SLC5A4: variants seen among roughly 807,000 people sequenced by gnomAD.
SLC5A4 encodes probable glucose sensor protein SLC5A4.
In SLC5A4, 55 loss-of-function variants were observed where a neutral mutation model predicts 70.3. The ratio of observed to expected loss-of-function variants is 0.78; its 90% CI spans 0.63 to 0.98. SLC5A4 has a LOEUF of 0.98. SLC5A4 is among the 50% of genes least tolerant of loss of function. The pLI is 0.00. For missense variants in SLC5A4, 735 were observed against 839.2 expected, an observed-to-expected ratio of 0.88 and a Z score of 1.53; for synonymous variants, 268 against 305.7, an observed-to-expected ratio of 0.88 and a Z score of 1.29.
At chr22:32,346,893 A>C in the SLC5A4 span, among the ~76,000 whole-genome samples, 1 of 150,888 alleles carries the variant, frequency 6.6e-6, no homozygotes, top group African/African-American at 2.4e-5. Context: ...ACAGCAAAAG[A>C]AACTACCATC....
intron 12 of SLC5A4, among the ~76,000 whole-genome samples, chr22:32,225,156 G>T (rs1263231256): frequency 2.0e-5 from 3 of 152,106 alleles, no homozygotes; most frequent in Non-Finnish European, 1.5e-5. Flanking sequence ...AAGATTAAGG[G>T]TACATGATCC....
intron 5 of SLC5A4, among the ~76,000 whole-genome samples, chr22:32,240,971 T>A (rs1926476173): frequency 6.6e-6 from 1 of 152,232 alleles, no homozygotes; most frequent in Non-Finnish European, 1.5e-5. Context: ...TTTGTGAACT[T>A]CCATGAATCT....
upstream of SLC5A4, among the ~76,000 whole-genome samples, chr22:32,256,645 A>G (rs1927504387): frequency 6.6e-6 from 1 of 152,208 alleles, no homozygotes; most frequent in African/African-American, 2.4e-5. Context: ...TGCCTATTCT[A>G]GGTACCTCAT....
the SLC5A4 span, among the ~76,000 whole-genome samples, chr22:32,322,613 AAAAG>A: frequency 2.0e-5 from 3 of 151,970 alleles, no homozygotes; most frequent in Non-Finnish European, 2.9e-5. Context: ...TGGAAAAAAA[AAAAG>A]AAACAGCCAG....
the SLC5A4 span, among the ~76,000 whole-genome samples, chr22:32,301,206 C>A: frequency 3.9e-5 from 6 of 152,196 alleles, no homozygotes; most frequent in Non-Finnish European, 8.8e-5. Context: ...CATGATCCAG[C>A]CACCTCGGCC....
the SLC5A4 span, among the ~76,000 whole-genome samples, chr22:32,337,526 TG>T: frequency 6.6e-6 from 1 of 151,176 alleles, no homozygotes; most frequent in East Asian, 1.9e-4. Context: ...AGAACAAGAC[TG>T]TCTCCAAAAA....
At chr22:32,237,595 G>A (rs1321642821) in intron 6 of SLC5A4, among the ~76,000 whole-genome samples, 1 of 152,168 alleles carries the variant, frequency 6.6e-6, no homozygotes, top group African/African-American at 2.4e-5. Context: ...TAGGGGAAAA[G>A]GCAGCACTTT....
chr22:32,321,719 T>C, the SLC5A4 span, among the ~76,000 whole-genome samples: 2 of 152,192 alleles, frequency 1.3e-5, no homozygotes, highest in Admixed American at 6.5e-5. Context: ...GCATGTGGTA[T>C]TGGGTTTTCT....
At chr22:32,324,435 T>C in the SLC5A4 span, among the ~76,000 whole-genome samples, 1 of 152,176 alleles carries the variant, frequency 6.6e-6, no homozygotes. Flanking sequence ...AACAGGACTC[T>C]TACCGCTTTC....
chr22:32,339,601 T>C, the SLC5A4 span, among the ~76,000 whole-genome samples: 6 of 152,300 alleles, frequency 3.9e-5, no homozygotes, highest in East Asian at 1.2e-3. Context: ...GGGAGTGGTT[T>C]GCAGAGGGAG....
chr22:32,238,374 C>A (rs377669951), intron 6 of SLC5A4, among the ~76,000 whole-genome samples: 1 of 152,158 alleles, frequency 6.6e-6, no homozygotes, highest in African/African-American at 2.4e-5. Flanking sequence ...CTCAAATGCA[C>A]GAAAATGGCC....
chr22:32,333,470 C>T, the SLC5A4 span, among the ~76,000 whole-genome samples: 1 of 152,154 alleles, frequency 6.6e-6, no homozygotes. Context: ...TATCCCCAGT[C>T]CTGGCCTGGG....
the SLC5A4 span, among the ~76,000 whole-genome samples, chr22:32,316,598 C>G: frequency 1.3e-5 from 2 of 152,044 alleles, no homozygotes; most frequent in African/African-American, 4.8e-5. Flanking sequence ...GGTATGATCT[C>G]AGCTCACTAT....
chr22:32,233,870 A>G (rs2059413001), intron 8 of SLC5A4, among the ~76,000 whole-genome samples: 2 of 152,116 alleles, frequency 1.3e-5, no homozygotes, highest in South Asian at 4.1e-4. Flanking sequence ...CCAAAAAAAA[A>G]AAAAGCTGAG....
chr22:32,275,577 A>G, the SLC5A4 span, among the ~76,000 whole-genome samples: 69 of 152,200 alleles, frequency 4.5e-4, no homozygotes, highest in Non-Finnish European at 8.7e-4. Context: ...ATGGTATTCC[A>G]TGGTGTATAT....
the SLC5A4 span, among the ~76,000 whole-genome samples, chr22:32,333,227 G>T: frequency 0.068 from 10,066 of 147,848 alleles, 540 homozygotes; most frequent in African/African-American, 0.14. Context: ...GACCAGTCCT[G>T]CCCTCACCCA....
intron 3 of SLC5A4, among the ~76,000 whole-genome samples, chr22:32,249,922 G>C (rs887650400): frequency 1.3e-5 from 2 of 151,752 alleles, no homozygotes; most frequent in Non-Finnish European, 2.9e-5. Flanking sequence ...TTTTTTTTAG[G>C]TCATCAGCTA....
chr22:32,315,442 A>G, the SLC5A4 span, among the ~76,000 whole-genome samples: 1 of 152,172 alleles, frequency 6.6e-6, no homozygotes, highest in African/African-American at 2.4e-5. Flanking sequence ...AAAAATAATC[A>G]ACTAAAATAA....
the SLC5A4 span, among the ~76,000 whole-genome samples, chr22:32,320,732 T>TA: frequency 8.6e-5 from 9 of 104,482 alleles, no homozygotes; most frequent in South Asian, 2.5e-3. Context: ...AAAACTGCTT[T>TA]AAAAAAAATC....
Sources: gnomAD v4.1 joint callset for allele counts (sites outside exome capture counted in the v4.1 genomes callset) on GRCh38, gnomAD v4.1.1 for gene constraint, MANE v1.5 for transcripts, NCBI Gene and HGNC (gene_info 2026-07-23, HGNC 2026-07-21) for gene names.